Variants in NDUFAF1 observed in about 807,000 individuals in gnomAD.
NDUFAF1 encodes complex I intermediate-associated protein 30, mitochondrial.
In NDUFAF1, 18 loss-of-function variants were observed where a neutral mutation model predicts 28.7. The observed-to-expected ratio is 0.63, with a 90% CI of 0.43 to 0.93. The LOEUF (loss-of-function observed/expected upper bound fraction) is 0.93, where lower values mean the gene tolerates loss of function less well. NDUFAF1 is among the 40% of genes least tolerant of loss of function. The pLI is 0.00. For synonymous variants in NDUFAF1, 113 were observed against 139.7 expected (o/e 0.81, Z 1.35); for missense variants, 404 against 398.3 (o/e 1.01, Z -0.12).
At chr15:41,399,383 G>A (rs1268919273) in intron 1 of NDUFAF1, among the ~76,000 whole-genome samples, 2 of 147,956 alleles carry the variant, frequency 1.4e-5, no homozygotes, top group Admixed American at 6.7e-5. Flanking sequence ...GCGACAGAGT[G>A]ACTCCAACTA....
At chr15:41,401,221 G>A (rs1197078815) in intron 1 of NDUFAF1, among the ~76,000 whole-genome samples, 3 of 150,244 alleles carry the variant, frequency 2.0e-5, no homozygotes, top group East Asian at 3.9e-4. Flanking sequence ...GCCTACATGG[G>A]CCTCCTAAAG....
Position 41,396,769 on chromosome 15 carries a change from C to G in NDUFAF1, c.291G>C (p.Leu97Phe), listed in dbSNP as rs1251632452. Reference protein sequence around the residue: ...RDEAIYHFRLLKDEIVDHWRG... With the variant: ...RDEAIYHFRLFKDEIVDHWRG... ...TCCAATGATCCACAATTTCATCCTT[C>G]AAAAGCCTAAAATGGTATATTGCTT... The change falls in exon 2 of 5, where the codon TTG becomes TTC. Residue 97 changes from leucine (L) to phenylalanine (F), a missense_variant. Leu to Phe is a conservative substitution (Grantham distance 22). Transcript: ENST00000260361. 6.2e-7 allele frequency: 1 copy of G among 1,614,136 alleles called. No individual in the cohort carries two copies. Among genetic ancestry groups the G allele is most frequent in the Non-Finnish European group, 8.5e-7 (1 of 1,180,034 alleles).
intron 3 of NDUFAF1, 26 bp downstream of exon 3, chr15:41,394,833 T>A: frequency 6.2e-7 from 1 of 1,613,212 alleles, no homozygotes. Flanking sequence ...CTCATTTTTA[T>A]AAACAATGAA....
intron 3 of NDUFAF1, among the ~76,000 whole-genome samples, chr15:41,389,557 G>GC (rs2050293387): frequency 6.6e-6 from 1 of 151,992 alleles, no homozygotes; most frequent in Non-Finnish European, 1.5e-5. Flanking sequence ...GATCAACTGA[G>GC]CCCAGGAGTT....
chr15:41,396,878 C>T lies in NDUFAF1; in HGVS notation c.182G>A (p.Gly61Glu). 2 of 1,614,170 alleles carry T rather than the reference C, an allele frequency of 1.2e-6. No homozygotes were observed. Among genetic ancestry groups the T allele is most frequent in the Non-Finnish European group, 1.7e-6 (2 of 1,180,024 alleles). ...CAAAGCAACTTCTTTCTGGTGATCT[C>T]CTTGCAAATCCCCTTCAGTCTTCCT... is the stretch of plus-strand genomic sequence containing the variant. The part of the protein sequence containing the change: ...SQRKTEGDLQ[G>E]DHQKEVALDI... Residue 61 changes from glycine to glutamate, a missense_variant, in exon 2 of 5, where the codon GGA becomes GAA. Transcript: ENST00000260361.
intron 1 of NDUFAF1, among the ~76,000 whole-genome samples, chr15:41,401,740 G>A (rs999880823): frequency 2.0e-5 from 3 of 152,038 alleles, no homozygotes; most frequent in African/African-American, 7.2e-5. Flanking sequence ...TTATCAATAA[G>A]GTTTGTTGAT....
chr15:41,394,781 T>C, intron 3 of NDUFAF1, 78 bp downstream of exon 3: 6 of 1,505,362 alleles, frequency 4.0e-6, no homozygotes, highest in Non-Finnish European at 5.5e-6. Context: ...GCCTCCCAAA[T>C]TGCTGGGATT....
chr15:41,397,608 G>A (rs971862066), intron 1 of NDUFAF1, among the ~76,000 whole-genome samples: 3 of 151,876 alleles, frequency 2.0e-5, no homozygotes, highest in African/African-American at 7.3e-5. Flanking sequence ...GACCATCCTG[G>A]CTAACACGGT....
chr15:41,401,807 C>A (rs1440058700), intron 1 of NDUFAF1, among the ~76,000 whole-genome samples: 2 of 152,100 alleles, frequency 1.3e-5, no homozygotes, highest in Non-Finnish European at 2.9e-5. Context: ...TTAAGGGAAC[C>A]AGGAAAAATT....
chr15:41,395,560 C>A (rs1347096748), intron 2 of NDUFAF1, among the ~76,000 whole-genome samples: 1 of 150,560 alleles, frequency 6.6e-6, no homozygotes, highest in Non-Finnish European at 1.5e-5. Context: ...TTAGTAGAGA[C>A]GGGGTTTCAC....
chr15:41,395,669 CTTTTT>C (rs11318328), intron 2 of NDUFAF1, among the ~76,000 whole-genome samples: 2 of 63,156 alleles, frequency 3.2e-5, no homozygotes, highest in Admixed American at 2.2e-4. Flanking sequence ...TGCGCCCGGC[CTTTTT>C]TTTTTTTTTT....
upstream of NDUFAF1, chr15:41,402,562 A>G (rs980168187): frequency 2.7e-5 from 8 of 291,500 alleles, no homozygotes; most frequent in Admixed American, 2.7e-4. Flanking sequence ...CCGGCCGAGT[A>G]CAGAAGCCCA....
At position 41,387,551 on chromosome 15, in the gene NDUFAF1, GACCATCC is replaced by G. The variant is rs1281373787; in HGVS notation, c.870_876del (p.Asp291HisfsTer6). The stretch of plus-strand genomic sequence containing the variant: ...ATAAAATCTATCTCCAGGAAGAATG[GACCATCC>G]ACTTTATCAGCCAAGGTGAATCCTA... On this transcript the variant is annotated frameshift_variant, in exon 5 of 5. Coordinates refer to ENST00000260361, the MANE Select transcript of NDUFAF1 (RefSeq NM_016013.4). LOFTEE classifies it high-confidence loss of function. 6.2e-7 allele frequency: 1 copy of G among 1,611,988 alleles called. No homozygotes were observed. The highest frequency in any genetic ancestry group is 2.2e-5 in the East Asian group (1 of 44,826).
intron 1 of NDUFAF1, among the ~76,000 whole-genome samples, chr15:41,400,588 T>C (rs1255742820): frequency 6.6e-6 from 1 of 150,790 alleles, no homozygotes; most frequent in Non-Finnish European, 1.5e-5. Context: ...AGTGGCACGA[T>C]CTCGGCTCAC....
rs140451106 is a variant in NDUFAF1 at position 41,394,445 on chromosome 15, G to A, written c.759+414C>T. ...AGAGCAGAGATGTGCCTGTGACTTAGCATGGACCTGGCCACATCCATATCA... is the reference window on the plus strand; with the variant it reads ...AGAGCAGAGATGTGCCTGTGACTTAACATGGACCTGGCCACATCCATATCA... On this transcript the variant is annotated intron_variant, in intron 3 of 4. Transcript: ENST00000260361. 234 of 1,122,280 alleles carry A rather than the reference G, an allele frequency of 2.1e-4. No homozygotes were observed. The African/African-American group carries it at 3.6e-3, about 17-fold the overall frequency. 69.5% of individuals were successfully genotyped at this position (1,122,280 alleles called of 1,614,324 possible). A position where few individuals can be genotyped will look rare whatever the true frequency, so the allele number is the denominator to read the frequency against.
chr15:41,387,879 C>T (rs1056934802), intron 4 of NDUFAF1, among the ~76,000 whole-genome samples: 1 of 152,064 alleles, frequency 6.6e-6, no homozygotes, highest in Non-Finnish European at 1.5e-5. Context: ...ACTGGGAGGC[C>T]AAGGTGGGCA....
At chr15:41,400,523 C>CT (rs962531617) in intron 1 of NDUFAF1, among the ~76,000 whole-genome samples, 13 of 147,504 alleles carry the variant, frequency 8.8e-5, no homozygotes, top group Admixed American at 1.4e-4. Flanking sequence ...ACTCCTAATA[C>CT]TTTTTTTTTT....
At chr15:41,397,439 G>A (rs971595140) in intron 1 of NDUFAF1, among the ~76,000 whole-genome samples, 2 of 152,012 alleles carry the variant, frequency 1.3e-5, no homozygotes, top group Admixed American at 6.6e-5. Context: ...TTGTAGAAAT[G>A]GATCTCCCTG....
rs2050472135 is a variant in NDUFAF1, at chr15:41,402,166, G to C, written c.-104C>G. On this transcript the variant is annotated 5_prime_UTR_variant, in exon 1 of 5. Transcript: ENST00000260361. ...TACCATGTGCCAGAAACTGCTCTAAGTGTTTCACTGACGGCTCACAACAAT... is the reference window on the plus strand; with the variant it reads ...TACCATGTGCCAGAAACTGCTCTAACTGTTTCACTGACGGCTCACAACAAT... 2.2e-6 allele frequency: 1 copy of C among 453,462 alleles called. No individual in the cohort carries two copies. Among genetic ancestry groups the C allele is most frequent in the Admixed American group, 2.4e-5 (1 of 42,534 alleles). 28.1% of individuals were successfully genotyped at this position (453,462 alleles called of 1,614,324 possible).
Sources: gnomAD v4.1 joint callset for allele counts (sites outside exome capture counted in the v4.1 genomes callset) on GRCh38, gnomAD v4.1.1 for gene constraint, MANE v1.5 for transcripts, NCBI Gene and HGNC (gene_info 2026-07-23, HGNC 2026-07-21) for gene names.